CD163L1: variants seen among roughly 807,000 people sequenced by gnomAD.
CD163L1 encodes scavenger receptor cysteine-rich type 1 protein M160.
A neutral mutation model predicts 165.4 loss-of-function variants in CD163L1; 124 were observed. The observed-to-expected ratio is 0.75, with a 90% CI of 0.65 to 0.87. The LOEUF (loss-of-function observed/expected upper bound fraction) is 0.87, where lower values mean the gene tolerates loss of function less well. Among genes scored for constraint, CD163L1 ranks in the 40% least tolerant of loss-of-function variants. The pLI, the probability that CD163L1 is intolerant of heterozygous loss-of-function variation, is 0.00. For synonymous variants in CD163L1, 585 were observed against 662.2 expected (o/e 0.88, Z 1.79); for missense variants, 1,525 against 1,799.9 (o/e 0.85, Z 2.76).
intron 4 of CD163L1, among the ~76,000 whole-genome samples, chr12:7,415,640 CTGTT>C (rs1948222449): frequency 6.6e-6 from 1 of 151,992 alleles, no homozygotes; most frequent in Non-Finnish European, 1.5e-5. Flanking sequence ...TGTGTTCTCA[CTGTT>C]TGACTCCAAC....
downstream of CD163L1, among the ~76,000 whole-genome samples, chr12:7,353,468 A>C (rs1329730506): frequency 6.6e-6 from 1 of 152,126 alleles, no homozygotes; most frequent in Non-Finnish European, 1.5e-5. Flanking sequence ...CCTTATCTAG[A>C]TACCATCAAG....
intron 4 of CD163L1, among the ~76,000 whole-genome samples, chr12:7,420,516 AAAAC>A (rs1275547346): frequency 7.2e-5 from 11 of 152,082 alleles, no homozygotes; most frequent in Admixed American, 5.3e-4. Context: ...AGCAAGAAAA[AAAAC>A]AAACAATACT....
chr12:7,437,794 C>G (rs1948759352), intron 2 of CD163L1, among the ~76,000 whole-genome samples: 1 of 150,718 alleles, frequency 6.6e-6, no homozygotes, highest in South Asian at 2.1e-4. Flanking sequence ...CCTCTTCACA[C>G]AAAAGAATTT....
intron 4 of CD163L1, among the ~76,000 whole-genome samples, chr12:7,427,850 T>G (rs1384984761): frequency 6.6e-6 from 1 of 152,126 alleles, no homozygotes; most frequent in African/African-American, 2.4e-5. Context: ...TATAACTTAC[T>G]TCCCTTGCTT....
chr12:7,365,794 C>T (rs767314406), intron 18 of CD163L1, among the ~76,000 whole-genome samples: 30 of 152,040 alleles, frequency 2.0e-4, no homozygotes, highest in African/African-American at 5.5e-4. Context: ...AAAGGAGAAC[C>T]CTCATACACC....
rs57031012 is a variant in CD163L1 at position 7,407,782 on chromosome 12, TACAC to T, written c.767-934_767-931del. ...GTGTATATATACACACACACATCCA[TACAC>T]ACACACACACACACACACACAGACA... On this transcript the variant is annotated intron_variant, in intron 4 of 19. Coordinates refer to ENST00000313599, the MANE Select transcript of CD163L1 (RefSeq NM_174941.6). Among the ~76,000 whole-genome samples the T allele has an allele frequency of 3.4e-3, 486 of 143,948 alleles. 1 individual carries two copies. Among genetic ancestry groups the T allele is most frequent in the Middle Eastern group, 0.025 (7 of 282 alleles). 94.4% of individuals were successfully genotyped at this position (143,948 alleles called of 152,430 possible).
intron 2 of CD163L1, chr12:7,439,322 T>C: frequency 1.9e-6 from 3 of 1,578,804 alleles, no homozygotes; most frequent in Non-Finnish European, 2.6e-6. Flanking sequence ...ATTCCTTTGT[T>C]TCTTTTACTT....
At chr12:7,392,319 T>A (rs1021673013) in intron 8 of CD163L1, among the ~76,000 whole-genome samples, 1 of 152,146 alleles carries the variant, frequency 6.6e-6, no homozygotes, top group Non-Finnish European at 1.5e-5. Flanking sequence ...TGCTCCTGAA[T>A]GATTACTGGA....
chr12:7,394,360 T>C (rs1947728129), intron 8 of CD163L1, among the ~76,000 whole-genome samples: 1 of 152,182 alleles, frequency 6.6e-6, no homozygotes, highest in Non-Finnish European at 1.5e-5. Context: ...CCCTATTTAA[T>C]AAATGGTGCT....
At chr12:7,323,152 T>A in the CD163L1 span, 1 of 1,349,624 alleles carries the variant, frequency 7.4e-7, no homozygotes, top group Non-Finnish European at 1.0e-6. Context: ...TCAGTCAAAA[T>A]CAAATCTTAA....
the CD163L1 span, chr12:7,324,250 C>A: frequency 1.2e-6 from 2 of 1,609,662 alleles, no homozygotes; most frequent in East Asian, 2.2e-5. Context: ...GACTAATCCC[C>A]AAATGTCATC....
chr12:7,320,675 T>C, the CD163L1 span: 2 of 1,485,094 alleles, frequency 1.3e-6, no homozygotes, highest in Non-Finnish European at 9.4e-7. Context: ...GCTCTAGTCA[T>C]GGCCTTTGAA....
At chr12:7,427,389 ATAAT>A (rs1344621551) in intron 4 of CD163L1, among the ~76,000 whole-genome samples, 2 of 152,188 alleles carry the variant, frequency 1.3e-5, no homozygotes, top group African/African-American at 4.8e-5. Flanking sequence ...ATGGATTAAA[ATAAT>A]TAATATTGTT....
intron 8 of CD163L1, among the ~76,000 whole-genome samples, chr12:7,380,388 T>TACGC (rs1440917300): frequency 2.1e-5 from 3 of 141,234 alleles, no homozygotes; most frequent in Non-Finnish European, 4.7e-5. Flanking sequence ...TATGTGTGTA[T>TACGC]ATGCGTATAC....
At chr12:7,329,318 G>T in the CD163L1 span, among the ~76,000 whole-genome samples, 10 of 123,374 alleles carry the variant, frequency 8.1e-5, no homozygotes, top group African/African-American at 2.1e-4. Context: ...TGGTTTATTT[G>T]CTTCAGTACC....
At chr12:7,380,391 GCGTATACACACATGTATGTGTGTA>G in intron 8 of CD163L1, among the ~76,000 whole-genome samples, 1 of 138,990 alleles carries the variant, frequency 7.2e-6, no homozygotes, top group Admixed American at 6.9e-5. Flanking sequence ...GTGTGTATAT[GCGTATACACACATGTATGTGTGTA>G]TATATATACA....
rs767631589 is a variant in CD163L1 at position 7,396,849 on chromosome 12, A to G, written c.1730-434T>C. ...TCTCTCTACATACATACATATGCAC[A>G]CACACACAGAGAGAGAGAGAGAGAA... On this transcript the variant is annotated intron_variant, in intron 7 of 19. Coordinates refer to ENST00000313599, the MANE Select transcript of CD163L1 (RefSeq NM_174941.6). 2.0e-5 allele frequency among the ~76,000 whole-genome samples: 3 copies of G among 148,286 alleles called. No individual in the cohort carries two copies. The East Asian group carries it at 6.0e-4, about 29-fold the overall frequency.
At position 7,369,455 on chromosome 12, in the gene CD163L1, C is replaced by T. The variant is rs756556844; in HGVS notation, c.3941G>A (p.Arg1314Gln). The change falls in exon 15 of 20, where the codon CGG (arginine) becomes CAG (glutamine). Residue 1314 changes from arginine to glutamine, a missense_variant. Coordinates refer to ENST00000313599, the MANE Select transcript of CD163L1 (RefSeq NM_174941.6). This position sits in a 1 kb window ranked among gnomAD's most constrained non-coding sequence, Gnocchi z 4.9. ...TAGAAATGACTCATTTCCTTTGCAC[C>T]GCATGTCATCCAACCAGATGGTTCC... ...GTGTIWLDDM[R>Q]CKGNESFLWD... 28 of 1,614,014 alleles carry T rather than the reference C, an allele frequency of 1.7e-5. No homozygotes were observed. The highest frequency in any genetic ancestry group is 1.5e-4 in the African/African-American group (11 of 74,908).
intron 9 of CD163L1, 101 bp downstream of exon 9, chr12:7,378,877 T>A: frequency 9.5e-7 from 1 of 1,047,590 alleles, no homozygotes. Context: ...GTTCATTTAC[T>A]TTTGACCTAA....
Sources: allele counts gnomAD v4.1 joint callset (sites outside exome capture counted in the v4.1 genomes callset), GRCh38; gene constraint gnomAD v4.1.1; non-coding constraint Gnocchi (gnomAD v3.1); transcripts MANE v1.5; gene names NCBI Gene and HGNC (gene_info 2026-07-23, HGNC 2026-07-21).